Variants in FGF12 observed in about 807,000 individuals in gnomAD.
FGF12 encodes fibroblast growth factor 12B.
Under a neutral mutation model 23.6 loss-of-function variants are expected in FGF12, and 14 were observed. That is an observed-to-expected ratio of 0.59 (90% confidence interval 0.39 to 0.93). The LOEUF is 0.93. FGF12 is among the 40% of genes least tolerant of loss of function. The pLI is 0.00. For missense variants in FGF12, 175 were observed against 217.8 expected (o/e 0.80, Z 1.24); for synonymous variants, 62 against 77.3 (o/e 0.80, Z 1.04).
intron 2 of FGF12, among the ~76,000 whole-genome samples, chr3:192,591,745 T>G (rs552024946): frequency 1.3e-5 from 2 of 152,024 alleles, no homozygotes; most frequent in South Asian, 4.2e-4. Flanking sequence ...CAATAGAAAG[T>G]CCACCATGTT....
At chr3:192,385,688 C>T (rs1011787297) in intron 2 of FGF12, among the ~76,000 whole-genome samples, 23 of 152,184 alleles carry the variant, frequency 1.5e-4, no homozygotes, top group Non-Finnish European at 2.4e-4. Context: ...CCACCTCCGT[C>T]TAACAGCCTT....
Position 192,476,512 on chromosome 3 carries a change from G to A in FGF12, c.14-115974C>T, listed in dbSNP as rs191730283. On this transcript the variant is annotated intron_variant, in intron 2 of 5. Transcript: ENST00000445105. ...TGAATGAATTGATCAATGGCATTAA[G>A]TCCAACAGCCTCACAGCCATCTGTA... is the stretch of plus-strand genomic sequence containing the variant. Among the ~76,000 whole-genome samples the A allele has an allele frequency of 1.5e-3, 222 of 152,304 alleles. 1 individual carries two copies. Among genetic ancestry groups the A allele is most frequent in the African/African-American group, 4.6e-3 (192 of 41,566 alleles).
intron 4 of FGF12, among the ~76,000 whole-genome samples, chr3:192,236,165 T>C (rs1257472730): frequency 6.6e-6 from 1 of 152,170 alleles, no homozygotes. Flanking sequence ...AATTGTATGG[T>C]TTTGAGAGAT....
intron 2 of FGF12, among the ~76,000 whole-genome samples, chr3:192,476,222 A>C (rs1045264798): frequency 3.9e-5 from 6 of 152,186 alleles, no homozygotes; most frequent in Non-Finnish European, 8.8e-5. Context: ...ACAATCTTGA[A>C]ACTTTTTTCT....
chr3:192,722,710 C>T (rs929011802), intron 2 of FGF12, among the ~76,000 whole-genome samples: 1 of 152,136 alleles, frequency 6.6e-6, no homozygotes, highest in Admixed American at 6.5e-5. Flanking sequence ...GCATATAATT[C>T]GAATCCCTAC....
chr3:192,642,273 A>G lies in FGF12; in HGVS notation c.13+84908T>C, dbSNP rs547979820. Reference sequence around the variant, plus strand: ...TGGAAATAATTACTATTGCTGCATTACAGAGAGGGAAACCAGGCTCCGAGA... The same window carrying G: ...TGGAAATAATTACTATTGCTGCATTGCAGAGAGGGAAACCAGGCTCCGAGA... On this transcript the variant is annotated intron_variant, in intron 2 of 5. Transcript: ENST00000445105. Among the ~76,000 whole-genome samples the G allele has an allele frequency of 2.0e-5, 3 of 152,330 alleles. No homozygotes were observed. In the South Asian group the frequency reaches 6.2e-4, roughly 32 times the overall value.
intron 2 of FGF12, among the ~76,000 whole-genome samples, chr3:192,440,362 G>C (rs1464354794): frequency 6.6e-6 from 1 of 152,130 alleles, no homozygotes; most frequent in Middle Eastern, 3.2e-3. Context: ...GGGTGGACGG[G>C]AGTATTTTCC....
intron 4 of FGF12, among the ~76,000 whole-genome samples, chr3:192,279,242 AT>A (rs1429431924): frequency 2.7e-5 from 4 of 148,586 alleles, no homozygotes; most frequent in Non-Finnish European, 5.9e-5. Flanking sequence ...ATATATATAT[AT>A]ATATATATAT....
chr3:192,496,580 T>G (rs1723964546), intron 2 of FGF12, among the ~76,000 whole-genome samples: 1 of 152,114 alleles, frequency 6.6e-6, no homozygotes, highest in African/African-American at 2.4e-5. Context: ...CCACACAACT[T>G]CACTGCAAAA....
intron 2 of FGF12, among the ~76,000 whole-genome samples, chr3:192,477,185 C>T (rs2108816981): frequency 6.6e-6 from 1 of 152,272 alleles, no homozygotes; most frequent in Admixed American, 6.5e-5. Flanking sequence ...CATGGCCAGC[C>T]AGAGGTCACT....
intron 3 of FGF12, among the ~76,000 whole-genome samples, chr3:192,347,505 G>A (rs547304507): frequency 7.9e-5 from 12 of 152,204 alleles, no homozygotes; most frequent in African/African-American, 2.4e-4. Flanking sequence ...TATGAGGAGC[G>A]GCTGCTGTCT....
chr3:192,232,380 A>G (rs377181886), intron 4 of FGF12, among the ~76,000 whole-genome samples: 1 of 152,206 alleles, frequency 6.6e-6, no homozygotes, highest in East Asian at 1.9e-4. Flanking sequence ...AATAGAGTAC[A>G]GAAAACTCTT....
chr3:192,663,719 A>C (rs2108686337), intron 2 of FGF12, among the ~76,000 whole-genome samples: 1 of 151,422 alleles, frequency 6.6e-6, no homozygotes, highest in South Asian at 2.1e-4. Context: ...ATTCAACATT[A>C]TTTTCTCTCT....
Position 192,577,066 on chromosome 3 carries a change from A to G in FGF12, c.13+150115T>C, listed in dbSNP as rs140237030. 1.6e-4 allele frequency among the ~76,000 whole-genome samples: 25 copies of G among 151,886 alleles called. No individual in the cohort carries two copies. The South Asian group carries it at 2.5e-3, about 15-fold the overall frequency. ...ACCAGGGCCTGTCGGCGGGTGGGGGACTAGGGGAGGGATAGCATTAGGAGA... is the reference window on the plus strand; with the variant it reads ...ACCAGGGCCTGTCGGCGGGTGGGGGGCTAGGGGAGGGATAGCATTAGGAGA... On this transcript the variant is annotated intron_variant, in intron 2 of 5. Coordinates refer to ENST00000445105, the MANE Select transcript of FGF12 (RefSeq NM_004113.6).
At chr3:192,545,537 C>G (rs1725474009) in intron 2 of FGF12, among the ~76,000 whole-genome samples, 1 of 152,210 alleles carries the variant, frequency 6.6e-6, no homozygotes, top group African/African-American at 2.4e-5. Context: ...TGAATTACGT[C>G]CCATAGCTAT....
intron 2 of FGF12, among the ~76,000 whole-genome samples, chr3:192,476,363 A>G (rs763287011): frequency 3.9e-5 from 6 of 152,206 alleles, no homozygotes; most frequent in Non-Finnish European, 7.3e-5. Flanking sequence ...AAAGTGGCAG[A>G]ATCTAAATGT....
chr3:192,222,941 T>C (rs1308080730), intron 4 of FGF12, among the ~76,000 whole-genome samples: 3 of 152,154 alleles, frequency 2.0e-5, no homozygotes, highest in East Asian at 1.9e-4. Flanking sequence ...CAGGATGCAG[T>C]TGAGAAACTC....
intron 2 of FGF12, among the ~76,000 whole-genome samples, chr3:192,478,805 C>T (rs1332444707): frequency 2.6e-5 from 4 of 152,180 alleles, no homozygotes; most frequent in African/African-American, 9.6e-5. Context: ...TTCAGTGTAA[C>T]TGTTGACTTG....
chr3:192,563,170 C>A (rs1712124581), intron 2 of FGF12, among the ~76,000 whole-genome samples: 2 of 152,266 alleles, frequency 1.3e-5, no homozygotes, highest in African/African-American at 4.8e-5. Flanking sequence ...AAAGCAATTT[C>A]AGTTCAAAAT....
Sources: gnomAD v4.1 joint callset for allele counts (sites outside exome capture counted in the v4.1 genomes callset) on GRCh38, gnomAD v4.1.1 for gene constraint, MANE v1.5 for transcripts, NCBI Gene and HGNC (gene_info 2026-07-23, HGNC 2026-07-21) for gene names.